TENM3: variants seen among roughly 807,000 people sequenced by gnomAD.
TENM3 encodes the protein teneurin transmembrane protein 3, also known as teneurin-3.
Under a neutral mutation model 255.1 loss-of-function variants are expected in TENM3, and 63 were observed. The ratio of observed to expected loss-of-function variants is 0.25; its 90% CI spans 0.20 to 0.30. The LOEUF (loss-of-function observed/expected upper bound fraction) is 0.30, where lower values mean the gene tolerates loss of function less well. TENM3 is among the 10% of genes least tolerant of loss of function. TENM3 has a pLI of 1.00. For synonymous variants in TENM3, 1,306 were observed against 1,322.3 expected (o/e 0.99, Z 0.27); for missense variants, 2,929 against 3,461.1 (o/e 0.85, Z 3.86).
intron 10 of TENM3, 36 bp from the exon 11 acceptor site, chr4:182,681,778 C>CTGCA (rs1229251696): frequency 6.6e-7 from 1 of 1,505,036 alleles, no homozygotes; most frequent in Non-Finnish European, 9.1e-7. Context: ...ATGATATCTT[C>CTGCA]TGGATTTAAT....
At chr4:182,168,022 C>T (rs996973057) in intron 1 of TENM3, among the ~76,000 whole-genome samples, 2 of 152,146 alleles carry the variant, frequency 1.3e-5, no homozygotes, top group Admixed American at 6.6e-5. Flanking sequence ...CTGTTCATCC[C>T]GTCACACCTC....
the TENM3 span, among the ~76,000 whole-genome samples, chr4:181,645,918 C>T: frequency 6.6e-6 from 1 of 152,210 alleles, no homozygotes; most frequent in Non-Finnish European, 1.5e-5. Flanking sequence ...AAAAACCCAC[C>T]TAAATTTTCA....
the TENM3 span, among the ~76,000 whole-genome samples, chr4:181,633,634 G>A: frequency 6.6e-6 from 1 of 152,260 alleles, no homozygotes. Flanking sequence ...AGAGCCTGAG[G>A]GTTATGACTA....
the TENM3 span, among the ~76,000 whole-genome samples, chr4:181,685,600 C>T: frequency 2.0e-4 from 30 of 152,268 alleles, no homozygotes; most frequent in Admixed American, 8.5e-4. Flanking sequence ...TCCCAGAGAG[C>T]ATTGCGTGAA....
the TENM3 span, among the ~76,000 whole-genome samples, chr4:181,472,805 T>A: frequency 6.6e-6 from 1 of 152,174 alleles, no homozygotes; most frequent in African/African-American, 2.4e-5. Flanking sequence ...CTCTTCTCCC[T>A]CCTAATTATG....
In TENM3 at chr4:182,743,135, A is replaced by G. The variant is rs1214106586; in HGVS notation, c.3380-35A>G. 3.2e-6 allele frequency: 5 copies of G among 1,559,570 alleles called. No individual in the cohort carries two copies. The South Asian group carries it at 5.9e-5, about 18-fold the overall frequency. On this transcript the variant is annotated intron_variant, in intron 18 of 27. Coordinates refer to ENST00000511685, the MANE Select transcript of TENM3 (RefSeq NM_001080477.4). ...TTGCTTTTCATCTTTACACTTTTTC[A>G]TCATAAGAAAAACAATGCACTTTAT...
chr4:182,729,071 C>A lies in TENM3; in HGVS notation c.2475C>A (p.Ser825Arg), dbSNP rs200239536. Reference protein sequence around the residue: ...LPDPQDIISQSLQSPSQQAAK... With the variant: ...LPDPQDIISQRLQSPSQQAAK... ...ATCCTCAGGACATCATTAGCCAAAG[C>A]CTTCAATCGCCTTCTCAGCAAGCTG... Residue 825 changes from serine to arginine, a missense_variant, in exon 14 of 28, where the codon AGC becomes AGA. By Grantham distance (110) the Ser-to-Arg change is moderately radical. Around this residue, in one of 6 missense-constraint regions of TENM3, gnomAD observed 1,608 missense variants for 1,884.4 expected, o/e 0.85. Coordinates refer to ENST00000511685, the MANE Select transcript of TENM3 (RefSeq NM_001080477.4). The A allele has an allele frequency of 1.2e-6, 2 of 1,613,988 alleles. No homozygotes were observed. The highest frequency in any genetic ancestry group is 1.3e-5 in the African/African-American group (1 of 75,042).
the TENM3 span, among the ~76,000 whole-genome samples, chr4:181,727,199 A>G: frequency 8.6e-5 from 13 of 151,450 alleles, no homozygotes; most frequent in African/African-American, 3.1e-4. Flanking sequence ...CTGGGATTAA[A>G]AGTTCCAACC....
intron 3 of TENM3, among the ~76,000 whole-genome samples, chr4:182,535,235 CAGTG>C (rs1489002206): frequency 1.2e-4 from 18 of 152,294 alleles, no homozygotes; most frequent in African/African-American, 4.1e-4. Flanking sequence ...AATAAATTCT[CAGTG>C]AGACTGCTTA....
At chr4:181,749,246 C>T in the TENM3 span, among the ~76,000 whole-genome samples, 5 of 151,690 alleles carry the variant, frequency 3.3e-5, no homozygotes, top group African/African-American at 1.2e-4. Flanking sequence ...CAAAGCAGCA[C>T]TAACAAATAA....
In TENM3 at chr4:182,627,856, A is replaced by G. The variant is rs571079045; in HGVS notation, c.750-795A>G. The stretch of plus-strand genomic sequence containing the variant: ...CTTAAACATTGTCAAGGAAGACAGC[A>G]TACAACTTTTAGAGACAGTTTGCTC... On this transcript the variant is annotated intron_variant, in intron 4 of 27. Transcript: ENST00000511685. 8.3e-4 allele frequency among the ~76,000 whole-genome samples: 126 copies of G among 152,114 alleles called. 1 individual carries two copies. Among genetic ancestry groups the G allele is most frequent in the Non-Finnish European group, 1.2e-3 (80 of 68,034 alleles).
At chr4:181,589,972 A>G in the TENM3 span, among the ~76,000 whole-genome samples, 1 of 152,100 alleles carries the variant, frequency 6.6e-6, no homozygotes, top group East Asian at 1.9e-4. Context: ...CCACTTCTCA[A>G]CTGCTTTTGA....
intron 1 of TENM3, among the ~76,000 whole-genome samples, chr4:182,298,842 G>A (rs368095012): frequency 3.5e-4 from 53 of 151,546 alleles, no homozygotes; most frequent in African/African-American, 1.2e-3. Flanking sequence ...GCGTGATGGC[G>A]CCCACCTGTA....
At chr4:182,650,123 G>T (rs551912469) in intron 5 of TENM3, among the ~76,000 whole-genome samples, 8 of 150,638 alleles carry the variant, frequency 5.3e-5, no homozygotes, top group African/African-American at 1.9e-4. Context: ...TGAAGTACTA[G>T]TACAGTTCCT....
At chr4:182,329,056 A>ATATG (rs1763596666) in intron 2 of TENM3, among the ~76,000 whole-genome samples, 1 of 152,058 alleles carries the variant, frequency 6.6e-6, no homozygotes, top group South Asian at 2.1e-4. Context: ...GTTCCTGTAA[A>ATATG]TATGTATCTT....
At chr4:182,043,004 A>C in the TENM3 span, among the ~76,000 whole-genome samples, 1 of 151,078 alleles carries the variant, frequency 6.6e-6, no homozygotes, top group Non-Finnish European at 1.5e-5. Flanking sequence ...TTTTTTTTTT[A>C]AGAATAAAAT....
At chr4:181,472,839 C>T in the TENM3 span, among the ~76,000 whole-genome samples, 30,395 of 152,224 alleles carry the variant, frequency 0.2, 3,220 homozygotes, top group Middle Eastern at 0.25. Flanking sequence ...GTTACCTACA[C>T]TCTTGGTTTC....
At chr4:181,893,497 C>CCA in the TENM3 span, among the ~76,000 whole-genome samples, 1 of 103,952 alleles carries the variant, frequency 9.6e-6, no homozygotes, top group African/African-American at 3.6e-5. Flanking sequence ...GCCCACCCCC[C>CCA]CCCCACCCCC....
At chr4:182,543,907 A>G (rs998215306) in intron 3 of TENM3, among the ~76,000 whole-genome samples, 15 of 152,208 alleles carry the variant, frequency 9.9e-5, no homozygotes, top group African/African-American at 3.4e-4. Flanking sequence ...GATATCATCA[A>G]TATAATCCTT....
Sources: gnomAD v4.1 joint callset for allele counts (sites outside exome capture counted in the v4.1 genomes callset) on GRCh38, gnomAD v4.1.1 for gene constraint, gnomAD v4.1.1 regional missense constraint, MANE v1.5 for transcripts, NCBI Gene and HGNC (gene_info 2026-07-23, HGNC 2026-07-21) for gene names.